The following JHY variants were observed in gnomAD, a reference collection of about 807,000 sequenced individuals.
JHY encodes jhy protein homolog.
A neutral mutation model predicts 78.0 loss-of-function variants in JHY; 69 were observed. The ratio of observed to expected loss-of-function variants is 0.88; its 90% CI spans 0.73 to 1.08. JHY has a LOEUF of 1.08. Ranked by LOEUF, JHY falls within the 50% of genes least tolerant of loss-of-function variation. JHY has a pLI of 0.00. For missense variants in JHY, 944 were observed against 927.8 expected (o/e 1.02, Z -0.23); for synonymous variants, 368 against 342.6 (o/e 1.07, Z -0.82).
At chr11:122,918,015 C>T (rs1373592079) in intron 3 of JHY, among the ~76,000 whole-genome samples, 1 of 151,530 alleles carries the variant, frequency 6.6e-6, no homozygotes, top group Non-Finnish European at 1.5e-5. Flanking sequence ...ACTGTCATGC[C>T]TCAGTCTCCC....
At chr11:122,944,591 G>GAGTT (rs1319630774) in intron 5 of JHY, among the ~76,000 whole-genome samples, 8 of 152,110 alleles carry the variant, frequency 5.3e-5, no homozygotes, top group African/African-American at 1.9e-4. Context: ...TTGTTGTCTA[G>GAGTT]AGTTAATACT....
chr11:122,913,413 G>A (rs887685374), intron 3 of JHY, among the ~76,000 whole-genome samples: 11 of 152,022 alleles, frequency 7.2e-5, no homozygotes, highest in African/African-American at 1.9e-4. Context: ...TTAATGTGAC[G>A]CCATGTTACC....
rs1223161067 is a variant in JHY at position 122,957,494 on chromosome 11, A to G, written c.2139+3A>G. 5.2e-6 allele frequency: 8 copies of G among 1,531,504 alleles called. No homozygotes were observed. The highest frequency in any genetic ancestry group is 1.3e-5 in the South Asian group (1 of 75,788). The allele number at this position is 1,531,504 out of a possible 1,614,324, so 94.9% of individuals were successfully genotyped here. A position where few individuals can be genotyped will look rare whatever the true frequency, so the allele number is the denominator to read the frequency against. The stretch of plus-strand genomic sequence containing the variant: ...AATCTGCTATCCCTCGGCAGAAGGT[A>G]AGAAATTCTCAACAAGGCATTTATT... On this transcript the variant is annotated splice_donor_region_variant and intron_variant, in intron 8 of 8. Transcript: ENST00000227349.
intron 4 of JHY, among the ~76,000 whole-genome samples, chr11:122,933,164 G>A (rs563702068): frequency 2.3e-4 from 35 of 152,232 alleles, no homozygotes; most frequent in Middle Eastern, 3.4e-3. Flanking sequence ...GAATGTATCA[G>A]AAAAGAGAAA....
chr11:122,897,489 G>T (rs1862762510), intron 2 of JHY, among the ~76,000 whole-genome samples: 2 of 152,114 alleles, frequency 1.3e-5, no homozygotes, highest in African/African-American at 2.4e-5. Context: ...GCCTGGACCT[G>T]TCAAAATTCT....
At chr11:122,894,075 C>A (rs994624392) in intron 2 of JHY, among the ~76,000 whole-genome samples, 1 of 152,118 alleles carries the variant, frequency 6.6e-6, no homozygotes, top group Non-Finnish European at 1.5e-5. Flanking sequence ...AATCCCAGCA[C>A]TTTGGGAGGC....
rs531448269 is a variant in JHY, at chr11:122,941,629, T to C, written c.1635-4869T>C. 2.6e-5 allele frequency among the ~76,000 whole-genome samples: 4 copies of C among 152,336 alleles called. No individual in the cohort carries two copies. The East Asian group carries it at 7.7e-4, about 29-fold the overall frequency. On this transcript the variant is annotated intron_variant, in intron 5 of 8. Transcript: ENST00000227349. ...ACTTCATAAATTAATTCTTTTCTCT[T>C]GGTAGAGGTAATCAGTTTAACATAC...
intron 5 of JHY, among the ~76,000 whole-genome samples, chr11:122,942,758 T>G (rs1168120342): frequency 6.6e-6 from 1 of 152,212 alleles, no homozygotes; most frequent in Admixed American, 6.5e-5. Flanking sequence ...GCTCATTATT[T>G]CTAAGGCTTT....
At chr11:122,891,482 C>T (rs1862612887) in intron 2 of JHY, among the ~76,000 whole-genome samples, 1 of 151,670 alleles carries the variant, frequency 6.6e-6, no homozygotes, top group Admixed American at 6.6e-5. Context: ...TTATGACACT[C>T]AGCACTCACG....
chr11:122,934,583 CG>C lies in JHY; in HGVS notation c.1144del (p.Glu382LysfsTer3). 1 of 1,614,070 alleles carries C rather than the reference CG, an allele frequency of 6.2e-7. No individual in the cohort carries two copies. Among genetic ancestry groups the C allele is most frequent in the Non-Finnish European group, 8.5e-7 (1 of 1,180,006 alleles). ...CAGAATGGCCTGAAGTCTTCCACAA[CG>C]GAAGAGGTGACTGCCAGTCAGGGGA... ...KHQNGLKSST[T>X]EEVTASQGNQ... On this transcript the variant is annotated frameshift_variant, in exon 5 of 9. Transcript: ENST00000227349. LOFTEE classifies it high-confidence loss of function.
chr11:122,920,021 G>A (rs1938168614), intron 3 of JHY, among the ~76,000 whole-genome samples: 1 of 152,166 alleles, frequency 6.6e-6, no homozygotes, highest in African/African-American at 2.4e-5. Context: ...TAAATATCAG[G>A]GTTGCAGCCT....
chr11:122,952,859 A>T (rs1864117925), intron 6 of JHY, among the ~76,000 whole-genome samples: 1 of 152,226 alleles, frequency 6.6e-6, no homozygotes, highest in Admixed American at 6.5e-5. Flanking sequence ...TGGCAAATAG[A>T]TAGTAATTCA....
intron 6 of JHY, among the ~76,000 whole-genome samples, chr11:122,952,727 T>C (rs563325116): frequency 2.6e-5 from 4 of 152,368 alleles, no homozygotes; most frequent in African/African-American, 7.2e-5. Flanking sequence ...GTTAAGCTGC[T>C]TCAGACTTAG....
chr11:122,938,147 C>T (rs1307595161), intron 5 of JHY, among the ~76,000 whole-genome samples: 1 of 151,898 alleles, frequency 6.6e-6, no homozygotes, highest in African/African-American at 2.4e-5. Context: ...GGCCTTTAAA[C>T]CTGAAAACAT....
In JHY at chr11:122,935,096, A is replaced by C. The variant is rs1409864429; in HGVS notation, c.1634+21A>C. The C allele has an allele frequency of 6.5e-7, 1 of 1,537,824 alleles. No homozygotes were observed. Among genetic ancestry groups the C allele is most frequent in the South Asian group, 1.3e-5 (1 of 76,542 alleles). On this transcript the variant is annotated intron_variant, in intron 5 of 8. Transcript: ENST00000227349. The surrounding 1 kb of genome is among the most constrained non-coding windows in gnomAD (Gnocchi z 4.5). ...TTATGGTAAGAATTCCCTTTTCTCA[A>C]GTGGTTTTCTAGAGGAGAAAGGAGA...
At position 122,961,438 on chromosome 11, in the gene JHY, G is replaced by C. The variant is rs1864315049; in HGVS notation, c.*1993G>C. 6.6e-6 allele frequency among the ~76,000 whole-genome samples: 1 copy of C among 152,014 alleles called. No individual in the cohort carries two copies. Among genetic ancestry groups the C allele is most frequent in the South Asian group, 2.1e-4 (1 of 4,822 alleles). ...CCTCCTGGATTCAAGCGATTCTCCT[G>C]TCTCAGCCTCCCTTCAAGCAATTCT... On this transcript the variant is annotated 3_prime_UTR_variant, in exon 9 of 9. Transcript: ENST00000227349.
rs528385890 is a variant in JHY at position 122,959,279 on chromosome 11, C to G, written c.2171C>G (p.Pro724Arg). 1.2e-6 allele frequency: 2 copies of G among 1,614,102 alleles called. No homozygotes were observed. The highest frequency in any genetic ancestry group is 1.7e-5 in the Admixed American group (1 of 60,000). The change falls in exon 9 of 9, where the codon CCC (proline) becomes CGC (arginine). Residue 724 changes from proline (P) to arginine (R), a missense_variant. Physicochemically the swap from Pro to Arg is moderately radical, Grantham distance 103. Coordinates refer to ENST00000227349, the MANE Select transcript of JHY (RefSeq NM_024806.4). ...GAATACGCTAAGACCATCCCCAAAC[C>G]CAAACCATCAAATCTGACTCATCAA... is the stretch of plus-strand genomic sequence containing the variant. ...ALEYAKTIPK[P>R]KPSNLTHQAS...
At chr11:122,913,743 A>T (rs1193506455) in intron 3 of JHY, among the ~76,000 whole-genome samples, 3 of 152,182 alleles carry the variant, frequency 2.0e-5, no homozygotes, top group Non-Finnish European at 4.4e-5. Context: ...TCTCCTGCAG[A>T]ACCCGTAACC....
chr11:122,941,683 T>A (rs1000460562), intron 5 of JHY, among the ~76,000 whole-genome samples: 1 of 152,212 alleles, frequency 6.6e-6, no homozygotes, highest in Non-Finnish European at 1.5e-5. Context: ...TGCTTTGTAT[T>A]CAGTGTTAGG....
Sources: gnomAD v4.1 joint callset for allele counts (sites outside exome capture counted in the v4.1 genomes callset) on GRCh38, gnomAD v4.1.1 for gene constraint, Gnocchi (gnomAD v3.1) non-coding constraint, MANE v1.5 for transcripts, NCBI Gene and HGNC (gene_info 2026-07-23, HGNC 2026-07-21) for gene names.